PGM5: variants seen among roughly 807,000 people sequenced by gnomAD.
PGM5 encodes phosphoglucomutase-like protein 5.
In PGM5, 23 loss-of-function variants were observed where a neutral mutation model predicts 59.2. The ratio of observed to expected loss-of-function variants is 0.39; its 90% CI spans 0.28 to 0.55. The LOEUF is 0.55. Among genes scored for constraint, PGM5 ranks in the 20% least tolerant of loss-of-function variants. The pLI, the probability that PGM5 is intolerant of heterozygous loss-of-function variation, is 0.66. For missense variants in PGM5, 574 were observed against 748.3 expected (o/e 0.77, Z 2.72); for synonymous variants, 214 against 286.0 (o/e 0.75, Z 2.54).
intron 7 of PGM5, among the ~76,000 whole-genome samples, chr9:68,468,512 T>A (rs1554686022): frequency 6.6e-6 from 1 of 152,214 alleles, no homozygotes; most frequent in Non-Finnish European, 1.5e-5. Flanking sequence ...GTTACGCTTT[T>A]AGTAATAAGT....
At chr9:68,434,782 C>T (rs1158516642) in intron 6 of PGM5, among the ~76,000 whole-genome samples, 18 of 149,196 alleles carry the variant, frequency 1.2e-4, no homozygotes, top group Non-Finnish European at 1.5e-5. Context: ...AGCAAGACTC[C>T]ATCTCAAAAA....
At chr9:68,365,636 A>G (rs367941487) in intron 1 of PGM5, among the ~76,000 whole-genome samples, 5,282 of 152,258 alleles carry the variant, frequency 0.035, 106 homozygotes, top group Non-Finnish European at 0.048. Flanking sequence ...GAAGTCGTAG[A>G]AGCATTTGAC....
chr9:68,412,524 G>A (rs34730480), intron 6 of PGM5, among the ~76,000 whole-genome samples: 2 of 152,172 alleles, frequency 1.3e-5, no homozygotes, highest in African/African-American at 2.4e-5. Context: ...TTCTTCACAA[G>A]CAGCTTGGTT....
chr9:68,429,617 G>A (rs973447892), intron 6 of PGM5, among the ~76,000 whole-genome samples: 5 of 152,084 alleles, frequency 3.3e-5, no homozygotes, highest in African/African-American at 1.2e-4. Context: ...AAATAAATAT[G>A]TTTTAGAATG....
Position 68,398,895 on chromosome 9 carries a change from T to C in PGM5, c.1043+6422T>C, listed in dbSNP as rs7851712. 4.4e-3 allele frequency among the ~76,000 whole-genome samples: 666 copies of C among 152,320 alleles called. 3 individuals carry two copies. Among genetic ancestry groups the C allele is most frequent in the African/African-American group, 0.015 (621 of 41,578 alleles). ...TCATCGTTGAACAATCCTTTAATAA[T>C]TGGTCTGATTGAAGGCTCATTTCTT... On this transcript the variant is annotated intron_variant, in intron 6 of 10. Coordinates refer to ENST00000396396, the MANE Select transcript of PGM5 (RefSeq NM_021965.4).
At chr9:68,411,231 A>G (rs1822923699) in intron 6 of PGM5, among the ~76,000 whole-genome samples, 1 of 152,002 alleles carries the variant, frequency 6.6e-6, no homozygotes, top group African/African-American at 2.4e-5. Flanking sequence ...CCTCTAATTC[A>G]TTCATAGGTT....
intron 10 of PGM5, among the ~76,000 whole-genome samples, chr9:68,526,589 G>C (rs1256121733): frequency 6.6e-6 from 1 of 152,144 alleles, no homozygotes; most frequent in Admixed American, 6.5e-5. Context: ...TGAGCATACT[G>C]TTTGCCATTG....
At chr9:68,366,682 T>C (rs1554676723) in intron 1 of PGM5, among the ~76,000 whole-genome samples, 1 of 152,270 alleles carries the variant, frequency 6.6e-6, no homozygotes, top group African/African-American at 2.4e-5. Context: ...TGAATCATGA[T>C]ACTACTGTTT....
At chr9:68,407,612 G>A (rs1251866973) in intron 6 of PGM5, among the ~76,000 whole-genome samples, 2 of 152,086 alleles carry the variant, frequency 1.3e-5, no homozygotes, top group Admixed American at 6.6e-5. Flanking sequence ...CTGTGTCTCT[G>A]TATGCTGGCC....
intron 6 of PGM5, among the ~76,000 whole-genome samples, chr9:68,438,061 G>T (rs1035530164): frequency 6.6e-6 from 1 of 152,140 alleles, no homozygotes; most frequent in African/African-American, 2.4e-5. Flanking sequence ...GCTGAGGTGG[G>T]TGGATCGCCT....
chr9:68,442,473 G>A (rs1386260026), intron 6 of PGM5, among the ~76,000 whole-genome samples: 2 of 152,256 alleles, frequency 1.3e-5, no homozygotes, highest in Non-Finnish European at 2.9e-5. Flanking sequence ...ATGTTGGCCA[G>A]GCTGGTCTTG....
chr9:68,490,943 T>TA (rs1194459945), intron 9 of PGM5, among the ~76,000 whole-genome samples: 1 of 152,214 alleles, frequency 6.6e-6, no homozygotes, highest in African/African-American at 2.4e-5. Flanking sequence ...GATGTGGGTT[T>TA]AAAAAAACCT....
chr9:68,357,389 G>T lies in PGM5; in HGVS notation c.261+1G>T. On this transcript the variant is annotated splice_donor_variant, in intron 1 of 10. Coordinates refer to ENST00000396396, the MANE Select transcript of PGM5 (RefSeq NM_021965.4). LOFTEE classifies it high-confidence loss of function. ...GGTGCAGATGGCCGCGGCCAACGGGGTGAGTGTCCGGATGCCCCTCGCTTC... is the reference window on the plus strand; with the variant it reads ...GGTGCAGATGGCCGCGGCCAACGGGTTGAGTGTCCGGATGCCCCTCGCTTC... 1.9e-6 allele frequency: 3 copies of T among 1,557,150 alleles called. No individual in the cohort carries two copies. Among genetic ancestry groups the T allele is most frequent in the Non-Finnish European group, 2.6e-6 (3 of 1,154,104 alleles).
rs1824603265 is a variant in PGM5 at position 68,503,046 on chromosome 9, AACC to A, written c.1614+3687_1614+3689del. ...AAGGCTTTAACAACTAATACCTAAGAACCAGGTCCCTCATATTTATTCACCTGT... is the reference window on the plus strand; with the variant it reads ...AAGGCTTTAACAACTAATACCTAAGAAGGTCCCTCATATTTATTCACCTGT... On this transcript the variant is annotated intron_variant, in intron 10 of 10. Transcript: ENST00000396396. Among the ~76,000 whole-genome samples, 13 of 152,300 alleles carry A rather than the reference AACC, an allele frequency of 8.5e-5. No individual in the cohort carries two copies. The South Asian group carries it at 2.7e-3, about 32-fold the overall frequency.
intron 10 of PGM5, among the ~76,000 whole-genome samples, chr9:68,513,458 T>C (rs1554689528): frequency 6.6e-6 from 1 of 152,056 alleles, no homozygotes; most frequent in Non-Finnish European, 1.5e-5. Context: ...CGTTAAGAAA[T>C]AAATGGGATG....
chr9:68,530,548 A>G lies in PGM5; in HGVS notation c.*892A>G, dbSNP rs1825063483. The G allele has an allele frequency of 6.6e-6, 1 of 152,258 alleles. No homozygotes were observed. The highest frequency in any genetic ancestry group is 1.9e-4 in the East Asian group (1 of 5,202). The allele number at this position is 152,258 out of a possible 1,614,324, so 9.4% of individuals were successfully genotyped here. A position where few individuals can be genotyped will look rare whatever the true frequency, so the allele number is the denominator to read the frequency against. ...GTGTGAGAGCTCTTTGACTTGGCCA[A>G]TAGGGGCCTATCTTAATGCACTTGT... On this transcript the variant is annotated 3_prime_UTR_variant, in exon 11 of 11. Coordinates refer to ENST00000396396, the MANE Select transcript of PGM5 (RefSeq NM_021965.4).
chr9:68,484,944 T>C (rs1824271007), intron 9 of PGM5, among the ~76,000 whole-genome samples: 1 of 152,196 alleles, frequency 6.6e-6, no homozygotes, highest in Non-Finnish European at 1.5e-5. Flanking sequence ...AGTCTCATTT[T>C]GATGTAGAAT....
chr9:68,503,570 A>G (rs999018268), intron 10 of PGM5, among the ~76,000 whole-genome samples: 13 of 152,288 alleles, frequency 8.5e-5, no homozygotes, highest in Middle Eastern at 3.4e-3. Flanking sequence ...AATAATTGTA[A>G]TTATGTTTAG....
chr9:68,428,838 T>C (rs545410200), intron 6 of PGM5: 5 of 152,352 alleles, frequency 3.3e-5, no homozygotes, highest in African/African-American at 4.8e-5. Flanking sequence ...ATTTCTATGA[T>C]ATTTGTGTTT....
Sources: gnomAD v4.1 joint callset for allele counts (sites outside exome capture counted in the v4.1 genomes callset) on GRCh38, gnomAD v4.1.1 for gene constraint, MANE v1.5 for transcripts, NCBI Gene and HGNC (gene_info 2026-07-23, HGNC 2026-07-21) for gene names.